ATG10: variants seen among roughly 807,000 people sequenced by gnomAD.
ATG10 encodes ubiquitin-like-conjugating enzyme ATG10.
In ATG10, 30 loss-of-function variants were observed where a neutral mutation model predicts 32.1. That is an observed-to-expected ratio of 0.94 (90% CI 0.70 to 1.27). The LOEUF (loss-of-function observed/expected upper bound fraction) is 1.27. Among genes scored for constraint, ATG10 ranks in the 50% most tolerant of loss-of-function variants. ATG10 has a pLI of 0.00. For missense variants in ATG10, 233 were observed against 262.3 expected, an observed-to-expected ratio of 0.89 and a Z score of 0.77; for synonymous variants, 87 against 91.5, an observed-to-expected ratio of 0.95 and a Z score of 0.28.
At chr5:82,139,572 C>T (rs867957536) in intron 3 of ATG10, among the ~76,000 whole-genome samples, 82 of 148,086 alleles carry the variant, frequency 5.5e-4, no homozygotes, top group Middle Eastern at 3.6e-3. Context: ...TGCCCGGCCG[C>T]CCCGTCTGAG....
At chr5:82,187,438 G>A (rs925025935) in intron 5 of ATG10, among the ~76,000 whole-genome samples, 39 of 150,218 alleles carry the variant, frequency 2.6e-4, no homozygotes, top group East Asian at 4.0e-4. Context: ...TTGAACTGTC[G>A]GGAAGCAGAG....
intron 2 of ATG10, among the ~76,000 whole-genome samples, chr5:82,039,797 T>A (rs1255599493): frequency 6.6e-6 from 1 of 152,200 alleles, no homozygotes; most frequent in East Asian, 1.9e-4. Context: ...AAACAACAAT[T>A]AAATTAGTTA....
chr5:82,034,770 C>G (rs932508389), intron 2 of ATG10, among the ~76,000 whole-genome samples: 1 of 152,128 alleles, frequency 6.6e-6, no homozygotes, highest in African/African-American at 2.4e-5. Flanking sequence ...AGCTTTATGA[C>G]TTGCCCCCTT....
intron 3 of ATG10, among the ~76,000 whole-genome samples, chr5:82,123,678 C>T (rs112087467): frequency 2.1e-3 from 317 of 149,892 alleles, no homozygotes; most frequent in African/African-American, 7.3e-3. Context: ...GCCTGTAATC[C>T]CAGCACTTTC....
intron 2 of ATG10, among the ~76,000 whole-genome samples, chr5:82,006,515 A>G (rs906718062): frequency 6.6e-6 from 1 of 152,106 alleles, no homozygotes; most frequent in Non-Finnish European, 1.5e-5. Context: ...TATTTTCCCC[A>G]TATGTATTCA....
intron 1 of ATG10, among the ~76,000 whole-genome samples, chr5:81,979,538 T>A (rs1456791583): frequency 2.0e-5 from 3 of 151,980 alleles, no homozygotes; most frequent in South Asian, 4.2e-4. Flanking sequence ...AAAAAAAAAA[T>A]GTTTACTGTT....
chr5:82,173,535 CA>C (rs1333574242), intron 4 of ATG10, among the ~76,000 whole-genome samples: 1 of 152,162 alleles, frequency 6.6e-6, no homozygotes, highest in African/African-American at 2.4e-5. Context: ...GTGATACAGG[CA>C]CATAGTAGGC....
At chr5:82,007,822 T>C (rs1762026090) in intron 2 of ATG10, among the ~76,000 whole-genome samples, 1 of 152,128 alleles carries the variant, frequency 6.6e-6, no homozygotes, top group African/African-American at 2.4e-5. Flanking sequence ...CATATATATA[T>C]ATGCACACAC....
At chr5:82,165,600 C>T (rs1307447829) in intron 4 of ATG10, among the ~76,000 whole-genome samples, 1 of 152,132 alleles carries the variant, frequency 6.6e-6, no homozygotes, top group East Asian at 1.9e-4. Context: ...GGTAAATTTT[C>T]AACATGGGAC....
chr5:82,034,225 C>A (rs1307377507), intron 2 of ATG10, among the ~76,000 whole-genome samples: 1 of 152,100 alleles, frequency 6.6e-6, no homozygotes, highest in African/African-American at 2.4e-5. Context: ...CAGCCCCCAA[C>A]CTGTATCTTC....
chr5:82,156,721 T>C (rs1446558510), intron 3 of ATG10, among the ~76,000 whole-genome samples: 1 of 152,214 alleles, frequency 6.6e-6, no homozygotes, highest in Non-Finnish European at 1.5e-5. Flanking sequence ...GTCAAAATTT[T>C]CCCCTCTTCC....
intron 2 of ATG10, among the ~76,000 whole-genome samples, chr5:82,026,184 T>A (rs976706946): frequency 2.0e-5 from 3 of 152,190 alleles, no homozygotes; most frequent in East Asian, 3.9e-4. Flanking sequence ...TTCTACTTTA[T>A]GTCTCTGTGA....
chr5:82,123,129 A>T (rs1766113515), intron 3 of ATG10, among the ~76,000 whole-genome samples: 1 of 152,250 alleles, frequency 6.6e-6, no homozygotes, highest in African/African-American at 2.4e-5. Flanking sequence ...TCAATGACAG[A>T]TAGGATAAAG....
In ATG10 at chr5:82,187,455, G is replaced by C. The variant is rs182183843; in HGVS notation, c.453+8868G>C. ...GAACTGTCGGGAAGCAGAGGTTGCA[G>C]TGAGCAGAGATCATGCCACTGCACT... On this transcript the variant is annotated intron_variant, in intron 5 of 7. Transcript: ENST00000282185. Among the ~76,000 whole-genome samples the C allele has an allele frequency of 5.3e-3, 786 of 148,624 alleles. 2 individuals are homozygous for C. The highest frequency in any genetic ancestry group is 9.0e-3 in the Non-Finnish European group (609 of 67,434).
intron 3 of ATG10, among the ~76,000 whole-genome samples, chr5:82,114,280 A>G (rs1353960046): frequency 4.6e-5 from 7 of 152,022 alleles, no homozygotes; most frequent in Admixed American, 2.6e-4. Context: ...GTCCTCCCAC[A>G]TTCTGTTCTT....
chr5:82,082,863 A>T (rs1764531157), intron 3 of ATG10, among the ~76,000 whole-genome samples: 2 of 152,332 alleles, frequency 1.3e-5, no homozygotes, highest in South Asian at 4.1e-4. Context: ...AAAATTAAAA[A>T]ATACTGGGGG....
At chr5:82,065,257 G>A (rs186544482) in intron 3 of ATG10, among the ~76,000 whole-genome samples, 7 of 152,138 alleles carry the variant, frequency 4.6e-5, no homozygotes, top group Admixed American at 2.6e-4. Flanking sequence ...AGGCCGAGTC[G>A]GGGCGGATCA....
At chr5:82,128,562 G>C (rs1220072213) in intron 3 of ATG10, among the ~76,000 whole-genome samples, 4 of 144,510 alleles carry the variant, frequency 2.8e-5, no homozygotes, top group Admixed American at 6.9e-5. Flanking sequence ...AGTTTGGCTG[G>C]ATATGAAATT....
chr5:82,086,480 C>G (rs918986254), intron 3 of ATG10, among the ~76,000 whole-genome samples: 1 of 152,138 alleles, frequency 6.6e-6, no homozygotes, highest in Non-Finnish European at 1.5e-5. Context: ...CAGGGCATCT[C>G]TCTTTCTCTC....
Sources: allele counts gnomAD v4.1 joint callset (sites outside exome capture counted in the v4.1 genomes callset), GRCh38; gene constraint gnomAD v4.1.1; transcripts MANE v1.5; gene names NCBI Gene and HGNC (gene_info 2026-07-23, HGNC 2026-07-21).